Variants in RBMS3 observed in about 807,000 individuals in gnomAD.
RBMS3 encodes RNA binding motif single stranded interacting protein 3, also known as RNA-binding motif, single-stranded-interacting protein 3.
Under a neutral mutation model 66.8 loss-of-function variants are expected in RBMS3, and 27 were observed. The observed-to-expected ratio is 0.40, with a 90% CI of 0.30 to 0.56. The LOEUF (loss-of-function observed/expected upper bound fraction) is 0.56, where lower values mean the gene tolerates loss of function less well. Ranked by LOEUF, RBMS3 falls within the 20% of genes least tolerant of loss-of-function variation. The probability of loss-of-function intolerance (pLI) is 0.40; values close to 1 mark genes in which losing one functional copy is unlikely to be tolerated. For synonymous variants in RBMS3, 188 were observed against 183.0 expected (o/e 1.03, Z -0.22); for missense variants, 513 against 549.5 (o/e 0.93, Z 0.66).
At chr3:29,925,311 C>T (rs2060907605) in intron 10 of RBMS3, 1 of 152,126 alleles carries the variant, frequency 6.6e-6, no homozygotes, top group Non-Finnish European at 1.5e-5. Context: ...CATATACCAT[C>T]TCTTCTAATG....
intron 10 of RBMS3, among the ~76,000 whole-genome samples, chr3:29,928,205 T>C (rs796175866): frequency 0.031 from 3,444 of 112,234 alleles, 97 homozygotes; most frequent in African/African-American, 0.086. Flanking sequence ...TATATATATA[T>C]ATATATACAC....
intron 1 of RBMS3, among the ~76,000 whole-genome samples, chr3:29,301,694 A>C (rs747918025): frequency 4.6e-5 from 7 of 151,954 alleles, no homozygotes; most frequent in Non-Finnish European, 7.4e-5. Context: ...TGACTGTTTT[A>C]TCTGGGATTT....
intron 6 of RBMS3, among the ~76,000 whole-genome samples, chr3:29,820,188 C>CAAAAA (rs71091078): frequency 3.6e-4 from 25 of 69,826 alleles, no homozygotes; most frequent in Non-Finnish European, 5.1e-4. Context: ...GACTTCTTCT[C>CAAAAA]AAAAAAAAAA....
intron 1 of RBMS3, among the ~76,000 whole-genome samples, chr3:29,397,238 C>T (rs1208659783): frequency 2.0e-5 from 3 of 152,062 alleles, no homozygotes; most frequent in Non-Finnish European, 4.4e-5. Context: ...TGTAAAGTAC[C>T]TATTCATTGA....
At chr3:29,504,829 C>G (rs1576039370) in intron 3 of RBMS3, among the ~76,000 whole-genome samples, 3 of 152,016 alleles carry the variant, frequency 2.0e-5, no homozygotes, top group Non-Finnish European at 4.4e-5. Context: ...ATTTGTGTTT[C>G]TCTGATGACT....
chr3:29,918,017 T>C (rs1489473883), intron 10 of RBMS3, among the ~76,000 whole-genome samples: 2 of 152,154 alleles, frequency 1.3e-5, no homozygotes, highest in Non-Finnish European at 2.9e-5. Context: ...AACAGGATAA[T>C]GTATTTATGG....
intron 3 of RBMS3, among the ~76,000 whole-genome samples, chr3:29,505,237 A>C (rs903290334): frequency 1.3e-5 from 2 of 151,562 alleles, no homozygotes; most frequent in Non-Finnish European, 3.0e-5. Flanking sequence ...TTTTGTATGT[A>C]GTATGAAATA....
intron 6 of RBMS3, among the ~76,000 whole-genome samples, chr3:29,788,847 C>A: frequency 6.6e-6 from 1 of 152,146 alleles, no homozygotes; most frequent in Non-Finnish European, 1.5e-5. Flanking sequence ...CTAAGTCACA[C>A]CCACACTAGC....
At chr3:29,986,992 T>C (rs1698433285) in intron 12 of RBMS3, among the ~76,000 whole-genome samples, 1 of 152,136 alleles carries the variant, frequency 6.6e-6, no homozygotes, top group African/African-American at 2.4e-5. Flanking sequence ...GATGGACTAG[T>C]GTTCAGATGC....
chr3:29,698,647 T>A (rs1051129976), intron 4 of RBMS3: 169 of 978,730 alleles, frequency 1.7e-4, no homozygotes, highest in Non-Finnish European at 2.0e-4. Flanking sequence ...TGTTACCATC[T>A]CCCAAGTCTT....
At chr3:29,600,836 A>G (rs965704872) in intron 4 of RBMS3, among the ~76,000 whole-genome samples, 1 of 152,026 alleles carries the variant, frequency 6.6e-6, no homozygotes, top group African/African-American at 2.4e-5. Flanking sequence ...AAGTGGGGTC[A>G]TTTTTTTCTT....
At chr3:29,762,344 T>C (rs2055726293) in intron 5 of RBMS3, among the ~76,000 whole-genome samples, 1 of 152,162 alleles carries the variant, frequency 6.6e-6, no homozygotes, top group Admixed American at 6.6e-5. Flanking sequence ...ACTACATTAC[T>C]ATACCAATCA....
chr3:29,478,853 TC>T (rs1462264904), intron 2 of RBMS3, among the ~76,000 whole-genome samples: 1 of 152,222 alleles, frequency 6.6e-6, no homozygotes, highest in Admixed American at 6.5e-5. Context: ...GGAACAAGTT[TC>T]TTTAGAAGGA....
intron 3 of RBMS3, among the ~76,000 whole-genome samples, chr3:29,565,078 A>C (rs2046694287): frequency 6.6e-6 from 1 of 152,156 alleles, no homozygotes; most frequent in Admixed American, 6.6e-5. Context: ...TCAAGACCAG[A>C]GGGAATTTCA....
In RBMS3 at chr3:29,501,480, A is replaced by C. The variant is rs536856701; in HGVS notation, c.307+12981A>C. ...GTAGACAATAGAAAGCCAGTATCAC[A>C]CGTAAATTTGTGAAAACATCCGACG... is the stretch of plus-strand genomic sequence containing the variant. On this transcript the variant is annotated intron_variant, in intron 3 of 14. Coordinates refer to ENST00000383767, the MANE Select transcript of RBMS3 (RefSeq NM_001003793.3). Among the ~76,000 whole-genome samples, 3 of 152,290 alleles carry C rather than the reference A, an allele frequency of 2.0e-5. No individual in the cohort carries two copies. In the South Asian group the frequency reaches 6.2e-4, roughly 32 times the overall value.
At chr3:29,471,704 A>G (rs1190272086) in intron 2 of RBMS3, among the ~76,000 whole-genome samples, 1 of 141,534 alleles carries the variant, frequency 7.1e-6, no homozygotes, top group Non-Finnish European at 1.5e-5. Flanking sequence ...TGAATTTTAT[A>G]TCATGAGGAC....
At chr3:29,299,480 A>C (rs995726690) in intron 1 of RBMS3, among the ~76,000 whole-genome samples, 2 of 151,958 alleles carry the variant, frequency 1.3e-5, no homozygotes, top group African/African-American at 4.8e-5. Context: ...AAATGCCTAC[A>C]TTTTGACTAA....
At chr3:29,997,481 A>C (rs1699322116) in intron 14 of RBMS3, among the ~76,000 whole-genome samples, 1 of 147,286 alleles carries the variant, frequency 6.8e-6, no homozygotes, top group Non-Finnish European at 1.5e-5. Context: ...AGAATTTGAG[A>C]CCGATATCCT....
chr3:29,350,227 A>G (rs1313042034), intron 1 of RBMS3, among the ~76,000 whole-genome samples: 1 of 151,964 alleles, frequency 6.6e-6, no homozygotes, highest in Non-Finnish European at 1.5e-5. Context: ...TTTTTAAAAA[A>G]CTGTCATTAT....
Sources: gnomAD v4.1 joint callset for allele counts (sites outside exome capture counted in the v4.1 genomes callset) on GRCh38, gnomAD v4.1.1 for gene constraint, MANE v1.5 for transcripts, NCBI Gene and HGNC (gene_info 2026-07-23, HGNC 2026-07-21) for gene names.